Variants in AHNAK observed in about 807,000 individuals in gnomAD.
AHNAK encodes AHNAK nucleoprotein.
AHNAK carries 23 observed loss-of-function variants against 37.8 expected under a neutral mutation model. That is an observed-to-expected ratio of 0.61 (90% confidence interval 0.44 to 0.86). AHNAK has a LOEUF of 0.86. Ranked by LOEUF, AHNAK falls within the 40% of genes least tolerant of loss-of-function variation. The pLI, the probability that AHNAK is intolerant of heterozygous loss-of-function variation, is 0.00. For missense variants in AHNAK, 7,411 were observed against 7,319.4 expected, an observed-to-expected ratio of 1.01 and a Z score of -0.46; for synonymous variants, 2,481 against 2,636.3, an observed-to-expected ratio of 0.94 and a Z score of 1.80.
In AHNAK at chr11:62,526,885, G is replaced by C; in HGVS notation, c.7532C>G (p.Pro2511Arg). ...GCTGAACTTGGGCATTTTCATCTTG[G>C]GCATCTTCAGGTGCCAGTCTGGAGC... ...VQAPDWHLKM[P>R]KMKMPKFSMP... Residue 2511 changes from proline (P) to arginine (R), a missense_variant, in exon 5 of 5, where the codon CCC becomes CGC. Pro to Arg is a moderately radical substitution (Grantham distance 103). Coordinates refer to ENST00000378024, the MANE Select transcript of AHNAK (RefSeq NM_001620.3). 2 of 1,613,982 alleles carry C rather than the reference G, an allele frequency of 1.2e-6. No homozygotes were observed. The highest frequency in any genetic ancestry group is 4.5e-5 in the East Asian group (2 of 44,878).
chr11:62,478,671 C>T (rs1479821763), intron 5 of AHNAK, among the ~76,000 whole-genome samples: 1 of 149,226 alleles, frequency 6.7e-6, no homozygotes, highest in African/African-American at 2.5e-5. Context: ...TCGCTTGAAC[C>T]CAGGAGATCG....
rs1940063047 is a variant in AHNAK at position 62,517,540 on chromosome 11, C to T, written c.16877G>A (p.Gly5626Glu). The change falls in exon 5 of 5, where the codon GGA (glycine) becomes GAA (glutamate). Residue 5626 changes from glycine (G) to glutamate (E), a missense_variant. Coordinates refer to ENST00000378024, the MANE Select transcript of AHNAK (RefSeq NM_001620.3). ...TCCAATCTGACCTCCTTTCACACCT[C>T]CTTCCACCTTTGGTCCTGAGAAATG... Reference protein sequence around the residue: ...GLHFSGPKVEGGVKGGQIGLQ... With the variant: ...GLHFSGPKVEEGVKGGQIGLQ... 1.2e-6 allele frequency: 2 copies of T among 1,614,086 alleles called. No homozygotes were observed. Among genetic ancestry groups the T allele is most frequent in the South Asian group, 2.2e-5 (2 of 91,084 alleles).
In AHNAK at chr11:62,521,646, G is replaced by A. The variant is rs1391902845; in HGVS notation, c.12771C>T (p.Ile4257=). ...MPEMNIKAPK[I]SMPDFDLHLK... ...GATGCAAATCAAAGTCAGGCATGGAGATCTTGGGGGCTTTGATGTTCATCT... is the reference window on the plus strand; with the variant it reads ...GATGCAAATCAAAGTCAGGCATGGAAATCTTGGGGGCTTTGATGTTCATCT... The change falls in exon 5 of 5, where the codon ATC becomes ATT. Residue 4257 remains isoleucine, a synonymous_variant. Transcript: ENST00000378024. 1 of 1,613,850 alleles carries A rather than the reference G, an allele frequency of 6.2e-7. No homozygotes were observed. Among genetic ancestry groups the A allele is most frequent in the Admixed American group, 1.7e-5 (1 of 59,974 alleles).
At chr11:62,459,039 A>T (rs1938728136) in intron 5 of AHNAK, among the ~76,000 whole-genome samples, 1 of 152,096 alleles carries the variant, frequency 6.6e-6, no homozygotes, top group South Asian at 2.1e-4. Context: ...TTGGGGTGCT[A>T]AAAGCAGGAC....
At chr11:62,488,120 T>G (rs1055112574) in intron 5 of AHNAK, among the ~76,000 whole-genome samples, 1 of 152,220 alleles carries the variant, frequency 6.6e-6, no homozygotes, top group African/African-American at 2.4e-5. Context: ...TTCTGCCACC[T>G]TCCGTGCCTG....
chr11:62,517,616 G>C lies in AHNAK; in HGVS notation c.16801C>G (p.Gln5601Glu), dbSNP rs758706308. 4 of 1,614,082 alleles carry C rather than the reference G, an allele frequency of 2.5e-6. No homozygotes were observed. The highest frequency in any genetic ancestry group is 2.2e-5 in the South Asian group (2 of 91,074). ...TCCAAGTTGAGAGCAGAGGAGACTTGGGGTCCCTTCCACTCACCCCCGGAA... is the reference window on the plus strand; with the variant it reads ...TCCAAGTTGAGAGCAGAGGAGACTTCGGGTCCCTTCCACTCACCCCCGGAA... ...KGSGGEWKGPQVSSALNLDTS... is the reference protein window; with the variant it reads ...KGSGGEWKGPEVSSALNLDTS... Residue 5601 changes from glutamine to glutamate, a missense_variant, in exon 5 of 5, where the codon CAA becomes GAA. Coordinates refer to ENST00000378024, the MANE Select transcript of AHNAK (RefSeq NM_001620.3).
In AHNAK at chr11:62,527,957, C is replaced by T; in HGVS notation, c.6460G>A (p.Glu2154Lys). ...GDLTGPSVDVEVPDVELECPD... is the reference protein window; with the variant it reads ...GDLTGPSVDVKVPDVELECPD... ...CACTCCAGCTCAACATCAGGCACCT[C>T]CACATCCACACTGGGGCCTGTTAAA... The change falls in exon 5 of 5, where the codon GAG (glutamate) becomes AAG (lysine). Residue 2154 changes from glutamate (E) to lysine (K), a missense_variant. By Grantham distance (56) the Glu-to-Lys change is moderately conservative (BLOSUM62 1). Transcript: ENST00000378024. 1.2e-6 allele frequency: 2 copies of T among 1,613,042 alleles called. No homozygotes were observed. Among genetic ancestry groups the T allele is most frequent in the Non-Finnish European group, 1.7e-6 (2 of 1,179,720 alleles).
chr11:62,533,518 T>C lies in AHNAK; in HGVS notation c.899A>G (p.Asp300Gly). The C allele has an allele frequency of 6.2e-7, 1 of 1,614,098 alleles. No individual in the cohort carries two copies. The highest frequency in any genetic ancestry group is 2.2e-5 in the East Asian group (1 of 44,880). ...GGTGGGAAATTTAATTTTGCCATGA[T>C]CACCACTCTCCAGAGATGGGCCCTG... The part of the protein sequence containing the change: ...EVQGPSLESG[D>G]HGKIKFPTMK... Residue 300 changes from aspartate to glycine, a missense_variant, in exon 5 of 5, where the codon GAT becomes GGT. Physicochemically the swap from Asp to Gly is moderately conservative, Grantham distance 94. Coordinates refer to ENST00000378024, the MANE Select transcript of AHNAK (RefSeq NM_001620.3).
Position 62,531,141 on chromosome 11 carries a change from T to C in AHNAK, c.3276A>G (p.Ile1092Met). Residue 1092 changes from isoleucine (I) to methionine (M), a missense_variant, in exon 5 of 5, where the codon ATA becomes ATG. Coordinates refer to ENST00000378024, the MANE Select transcript of AHNAK (RefSeq NM_001620.3). ...KGNVDISAPK[I>M]EGEMQVPDVD... ...CATCTGGAACCTGCATTTCACCCTC[T>C]ATCTTTGGTGCAGAGATATCTACAT... 1.9e-6 allele frequency: 3 copies of C among 1,614,174 alleles called. No homozygotes were observed. Among genetic ancestry groups the C allele is most frequent in the Non-Finnish European group, 2.5e-6 (3 of 1,180,022 alleles).
rs1940131032 is a variant in AHNAK, at chr11:62,519,043, G to T, written c.15374C>A (p.Ser5125Tyr). Residue 5125 changes from serine to tyrosine, a missense_variant, in exon 5 of 5, where the codon TCT becomes TAT. Physicochemically the swap from Ser to Tyr is moderately radical, Grantham distance 144 (BLOSUM62 -2). Transcript: ENST00000378024. ...ACCTTCGACGTGAATCGCTGGCAAA[G>T]AAAGTTCCAGATCAGGTGCCTGGAG... ...GELQAPDLELSLPAIHVEGLD... is the reference protein window; with the variant it reads ...GELQAPDLELYLPAIHVEGLD... The T allele has an allele frequency of 3.1e-6, 5 of 1,613,164 alleles. No individual in the cohort carries two copies. The East Asian group carries it at 1.1e-4, about 36-fold the overall frequency.
At position 62,532,407 on chromosome 11, in the gene AHNAK, A is replaced by T; in HGVS notation, c.2010T>A (p.Asp670Glu). 1 of 1,614,146 alleles carries T rather than the reference A, an allele frequency of 6.2e-7. No homozygotes were observed. Among genetic ancestry groups the T allele is most frequent in the Non-Finnish European group, 8.5e-7 (1 of 1,180,034 alleles). Residue 670 changes from aspartate to glutamate, a missense_variant, in exon 5 of 5, where the codon GAT (aspartate) becomes GAA (glutamate). By Grantham distance (45) the Asp-to-Glu change is conservative (BLOSUM62 2). Transcript: ENST00000378024. ...SGPKVNVEAP[D>E]VNLEGLGGKL... ...TTCCCCCCAGACCCTCCAAGTTGAC[A>T]TCTGGGGCTTCCACATTGACCTTGG... is the stretch of plus-strand genomic sequence containing the variant.
chr11:62,440,103 G>A (rs936393552), intron 5 of AHNAK, among the ~76,000 whole-genome samples: 2 of 152,180 alleles, frequency 1.3e-5, no homozygotes, highest in African/African-American at 4.8e-5. Flanking sequence ...CTGATGCACA[G>A]CTATTGCGAT....
Position 62,518,262 on chromosome 11 carries a change from T to C in AHNAK, c.16155A>G (p.Val5385=), listed in dbSNP as rs1363883204. The change falls in exon 5 of 5, where the codon GTA becomes GTG. Residue 5385 remains valine (V), a synonymous_variant. Transcript: ENST00000378024. ...AGCTTAGATCAGGAGCTCCTACGGA[T>C]ACTTTAGGGCATTTGATGTCACCAG... is the stretch of plus-strand genomic sequence containing the variant. ...AVSGDIKCPK[V]SVGAPDLSLE... 5 of 1,614,032 alleles carry C rather than the reference T, an allele frequency of 3.1e-6. No individual in the cohort carries two copies. Among genetic ancestry groups the C allele is most frequent in the African/African-American group, 1.3e-5 (1 of 74,910 alleles).
At position 62,516,280 on chromosome 11, in the gene AHNAK, A is replaced by G. The variant is rs1399387608; in HGVS notation, c.*464T>C. The G allele has an allele frequency of 7.8e-7, 1 of 1,289,284 alleles. No individual in the cohort carries two copies. Among genetic ancestry groups the G allele is most frequent in the Non-Finnish European group, 1.0e-6 (1 of 988,784 alleles). 79.9% of individuals were successfully genotyped at this position (1,289,284 alleles called of 1,614,324 possible). A position where few individuals can be genotyped will look rare whatever the true frequency, so the allele number is the denominator to read the frequency against. ...CTGTGGGCGTTTGCTGTTTGAACAG[A>G]TCCAGTCTCAGGAAAGAGGAAGACC... On this transcript the variant is annotated 3_prime_UTR_variant, in exon 5 of 5. Coordinates refer to ENST00000378024, the MANE Select transcript of AHNAK (RefSeq NM_001620.3).
intron 4 of AHNAK, 98 bp from the exon 5 acceptor site, chr11:62,534,172 AG>A: frequency 7.4e-7 from 1 of 1,349,076 alleles, no homozygotes; most frequent in East Asian, 2.5e-5. Context: ...CCTGTTTCCC[AG>A]AGAAGCTGGG....
rs747384267 is a variant in AHNAK, at chr11:62,521,461, A to T, written c.12956T>A (p.Val4319Glu). Residue 4319 changes from valine (V) to glutamate (E), a missense_variant, in exon 5 of 5, where the codon GTG becomes GAG. Val to Glu is a moderately radical substitution (Grantham distance 121). Coordinates refer to ENST00000378024, the MANE Select transcript of AHNAK (RefSeq NM_001620.3). The part of the protein sequence containing the change: ...GPDWHLKMPK[V>E]KMPKFSMPGF... The stretch of plus-strand genomic sequence containing the variant: ...TGGCATGCTGAATTTGGGCATTTTC[A>T]CCTTGGGCATCTTCAGGTGCCAGTC... 2 of 1,612,622 alleles carry T rather than the reference A, an allele frequency of 1.2e-6. No individual in the cohort carries two copies. Among genetic ancestry groups the T allele is most frequent in the South Asian group, 1.1e-5 (1 of 91,016 alleles).
At chr11:62,462,539 C>T (rs779714284) in intron 5 of AHNAK, among the ~76,000 whole-genome samples, 2 of 152,112 alleles carry the variant, frequency 1.3e-5, no homozygotes, top group Admixed American at 6.6e-5. Context: ...ATTTTTATGA[C>T]GAAACTAAGT....
intron 5 of AHNAK, among the ~76,000 whole-genome samples, chr11:62,446,962 C>A (rs1938432665): frequency 6.6e-6 from 1 of 152,062 alleles, no homozygotes; most frequent in South Asian, 2.1e-4. Flanking sequence ...ACTAGGCTTC[C>A]TGGTAGTCCC....
Position 62,523,296 on chromosome 11 carries a change from G to A in AHNAK, c.11121C>T (p.Ile3707=), listed in dbSNP as rs956760113. ...TGTCAATGTCCACTTTGGGGCCCTTGATGTCCACCTCAGGGCCTTTTAGAT... is the reference window on the plus strand; with the variant it reads ...TGTCAATGTCCACTTTGGGGCCCTTAATGTCCACCTCAGGGCCTTTTAGAT... The part of the protein sequence containing the change: ...EGDLKGPEVD[I]KGPKVDIDTP... Residue 3707 remains isoleucine (I), a synonymous_variant, in exon 5 of 5, where the codon ATC becomes ATT. Coordinates refer to ENST00000378024, the MANE Select transcript of AHNAK (RefSeq NM_001620.3). 2 of 1,613,762 alleles carry A rather than the reference G, an allele frequency of 1.2e-6. No homozygotes were observed. Among genetic ancestry groups the A allele is most frequent in the East Asian group, 2.2e-5 (1 of 44,876 alleles).
Sources: allele counts gnomAD v4.1 joint callset (sites outside exome capture counted in the v4.1 genomes callset), GRCh38; gene constraint gnomAD v4.1.1; transcripts MANE v1.5; gene names NCBI Gene and HGNC (gene_info 2026-07-23, HGNC 2026-07-21).